Variants in GRID1 observed in about 807,000 individuals in gnomAD.
GRID1 encodes glutamate ionotropic receptor delta type subunit 1.
In GRID1, 28 loss-of-function variants were observed where a neutral mutation model predicts 98.0. The ratio of observed to expected loss-of-function variants is 0.29; its 90% CI spans 0.21 to 0.39. The LOEUF (loss-of-function observed/expected upper bound fraction) is 0.39, where lower values mean the gene tolerates loss of function less well. Among genes scored for constraint, GRID1 ranks in the 10% least tolerant of loss-of-function variants. The probability of loss-of-function intolerance (pLI) is 1.00; values close to 1 mark genes in which losing one functional copy is unlikely to be tolerated. For synonymous variants in GRID1, 553 were observed against 538.5 expected, an observed-to-expected ratio of 1.03 and a Z score of -0.37; for missense variants, 1,111 against 1,340.5, an observed-to-expected ratio of 0.83 and a Z score of 2.67.
At chr10:86,332,742 G>C (rs1848165421) in intron 2 of GRID1, among the ~76,000 whole-genome samples, 1 of 151,332 alleles carries the variant, frequency 6.6e-6, no homozygotes, top group African/African-American at 2.4e-5. Context: ...CAAACTCCAT[G>C]GTCTACACCG....
chr10:86,198,100 T>C (rs908711715), intron 3 of GRID1, among the ~76,000 whole-genome samples: 2 of 152,092 alleles, frequency 1.3e-5, no homozygotes, highest in African/African-American at 4.8e-5. Context: ...TTGATTAAAG[T>C]AACATTTGCC....
At chr10:86,074,390 C>A (rs540088436) in intron 4 of GRID1, among the ~76,000 whole-genome samples, 9 of 152,316 alleles carry the variant, frequency 5.9e-5, no homozygotes, top group African/African-American at 2.2e-4. Flanking sequence ...CAAATGTTTT[C>A]ATTCCCACAT....
chr10:86,009,460 A>G (rs1312485925), intron 4 of GRID1, among the ~76,000 whole-genome samples: 2 of 152,176 alleles, frequency 1.3e-5, no homozygotes, highest in African/African-American at 4.8e-5. Context: ...CAAGCAACAG[A>G]ATTTGGGAAG....
chr10:85,939,119 G>A (rs1841964903), intron 4 of GRID1, among the ~76,000 whole-genome samples: 1 of 152,078 alleles, frequency 6.6e-6, no homozygotes. Flanking sequence ...CTGGTCTGTA[G>A]GACAGCCTCT....
intron 2 of GRID1, among the ~76,000 whole-genome samples, chr10:86,230,517 G>A (rs1846434145): frequency 6.6e-6 from 1 of 152,178 alleles, no homozygotes; most frequent in South Asian, 2.1e-4. Context: ...CTCTGGAGAG[G>A]CCATCATCAG....
intron 5 of GRID1, among the ~76,000 whole-genome samples, chr10:85,881,520 G>A (rs1337990578): frequency 1.3e-5 from 2 of 152,122 alleles, no homozygotes; most frequent in Non-Finnish European, 2.9e-5. Context: ...ACAAGCAATG[G>A]GGAAAGGATT....
At chr10:86,295,463 G>A (rs34362295) in intron 2 of GRID1, among the ~76,000 whole-genome samples, 25,974 of 152,102 alleles carry the variant, frequency 0.17, 2,385 homozygotes, top group African/African-American at 0.23. Flanking sequence ...CAGGTGTGGG[G>A]ATGGAGCATC....
At chr10:86,117,810 T>G (rs1589377286) in intron 4 of GRID1, among the ~76,000 whole-genome samples, 1 of 152,196 alleles carries the variant, frequency 6.6e-6, no homozygotes, top group African/African-American at 2.4e-5. Context: ...ATAATAGATG[T>G]TGGCTTGAAT....
chr10:86,262,435 T>A (rs1373641453), intron 2 of GRID1, among the ~76,000 whole-genome samples: 1 of 152,170 alleles, frequency 6.6e-6, no homozygotes, highest in Non-Finnish European at 1.5e-5. Context: ...TTCGGCCCCC[T>A]GGTCCATGCC....
At chr10:85,893,876 C>T (rs190867088) in intron 5 of GRID1, among the ~76,000 whole-genome samples, 1 of 152,284 alleles carries the variant, frequency 6.6e-6, no homozygotes, top group East Asian at 1.9e-4. Context: ...AATGCAGGGC[C>T]TCAACTAGGG....
intron 12 of GRID1, among the ~76,000 whole-genome samples, chr10:85,676,824 A>G (rs1841150747): frequency 6.6e-6 from 1 of 152,238 alleles, no homozygotes; most frequent in Non-Finnish European, 1.5e-5. Context: ...CTCAGGGACC[A>G]GTCTCTGCAA....
Position 85,608,669 on chromosome 10 carries a change from G to A in GRID1, c.2601+4738C>T, listed in dbSNP as rs936767755. Among the ~76,000 whole-genome samples, 4 of 152,196 alleles carry A rather than the reference G, an allele frequency of 2.6e-5. No homozygotes were observed. In the East Asian group the frequency reaches 7.7e-4, roughly 29 times the overall value. ...TTGATGGCAATGCAGAGGTGAGGAG[G>A]CACTGGTGGATCTGAAGCAGAGACA... On this transcript the variant is annotated intron_variant, in intron 15 of 15. Coordinates refer to ENST00000327946, the MANE Select transcript of GRID1 (RefSeq NM_017551.3).
intron 12 of GRID1, among the ~76,000 whole-genome samples, chr10:85,665,884 C>G (rs1310376222): frequency 6.6e-6 from 1 of 152,104 alleles, no homozygotes; most frequent in Non-Finnish European, 1.5e-5. Flanking sequence ...CATCTCCAAG[C>G]TGTCTCGGGA....
At chr10:86,211,605 G>A (rs1354049073) in intron 2 of GRID1, among the ~76,000 whole-genome samples, 3 of 152,142 alleles carry the variant, frequency 2.0e-5, no homozygotes, top group Non-Finnish European at 4.4e-5. Context: ...TTTCCAGACA[G>A]CGGACTCTCA....
chr10:86,320,746 T>C (rs35049200), intron 2 of GRID1, among the ~76,000 whole-genome samples: 17,090 of 152,172 alleles, frequency 0.11, 1,121 homozygotes, highest in South Asian at 0.17. Context: ...GCTCCAAATA[T>C]GGACAAAATT....
chr10:86,226,053 G>C (rs1846338235), intron 2 of GRID1, among the ~76,000 whole-genome samples: 2 of 152,060 alleles, frequency 1.3e-5, no homozygotes, highest in Non-Finnish European at 2.9e-5. Flanking sequence ...CCTGCAGGTG[G>C]ACAGGTAGGC....
At chr10:85,870,074 G>A (rs1280697531) in intron 5 of GRID1, among the ~76,000 whole-genome samples, 1 of 152,196 alleles carries the variant, frequency 6.6e-6, no homozygotes, top group African/African-American at 2.4e-5. Flanking sequence ...GTGTGTCTGT[G>A]AGGGTGTTGC....
At position 85,619,971 on chromosome 10, in the gene GRID1, C is replaced by G. The variant is rs142646668; in HGVS notation, c.2256G>C (p.Thr752=). ...TGACAGTCACCGAGCAGTCGTCATC[C>G]GTCAGGGCTGCGTATTCCACCACGG... ...DVAVVEYAAL[T]DDDCSVTVIG... The change falls in exon 14 of 16, where the codon ACG becomes ACC. Residue 752 remains threonine (T), a synonymous_variant. Transcript: ENST00000327946. 6.2e-7 allele frequency: 1 copy of G among 1,613,810 alleles called. No individual in the cohort carries two copies. Among genetic ancestry groups the G allele is most frequent in the African/African-American group, 1.3e-5 (1 of 74,912 alleles).
chr10:86,314,004 T>A (rs1215454529), intron 2 of GRID1, among the ~76,000 whole-genome samples: 2 of 152,184 alleles, frequency 1.3e-5, no homozygotes, highest in Non-Finnish European at 1.5e-5. Context: ...CCTATCACCA[T>A]CCATAAACTA....
Sources: allele counts gnomAD v4.1 joint callset (sites outside exome capture counted in the v4.1 genomes callset), GRCh38; gene constraint gnomAD v4.1.1; transcripts MANE v1.5; gene names NCBI Gene and HGNC (gene_info 2026-07-23, HGNC 2026-07-21).